Variants in RET observed in about 807,000 individuals in gnomAD.
RET encodes ret proto-oncogene.
RET carries 19 observed loss-of-function variants against 118.3 expected under a neutral mutation model. That is an observed-to-expected ratio of 0.16 (90% CI 0.11 to 0.24). The LOEUF (loss-of-function observed/expected upper bound fraction) is 0.24. Ranked by LOEUF, RET falls within the 10% of genes least tolerant of loss-of-function variation. RET has a pLI of 1.00. For missense variants in RET, 1,219 were observed against 1,502.1 expected, an observed-to-expected ratio of 0.81 and a Z score of 3.12; for synonymous variants, 597 against 644.1, an observed-to-expected ratio of 0.93 and a Z score of 1.11.
At chr10:43,092,703 C>G (rs1837435909) in intron 1 of RET, among the ~76,000 whole-genome samples, 1 of 152,200 alleles carries the variant, frequency 6.6e-6, no homozygotes, top group East Asian at 1.9e-4. Context: ...AGCTCCGGTG[C>G]CCAGGGCTCC....
chr10:43,115,236 G>C (rs1838045030), intron 11 of RET, among the ~76,000 whole-genome samples: 1 of 152,230 alleles, frequency 6.6e-6, no homozygotes, highest in African/African-American at 2.4e-5. Context: ...CCAAGGGTGT[G>C]AGTGAACGGT....
At position 43,118,583 on chromosome 10, in the gene RET, C is replaced by T. The variant is rs905442496; in HGVS notation, c.2392+103C>T. 2.0e-5 allele frequency: 17 copies of T among 870,216 alleles called. No homozygotes were observed. The East Asian group carries it at 3.9e-4, about 20-fold the overall frequency. 53.9% of individuals were successfully genotyped at this position (870,216 alleles called of 1,614,324 possible). On this transcript the variant is annotated intron_variant, in intron 13 of 19. Transcript: ENST00000355710. Reference sequence around the variant, plus strand: ...TCTCCCTTTCCCTACTGCTCCTGCCCTGTTTCCTGTTCTCCCTCTTTCTGG... The same window carrying T: ...TCTCCCTTTCCCTACTGCTCCTGCCTTGTTTCCTGTTCTCCCTCTTTCTGG...
chr10:43,081,469 C>T (rs1034716925), intron 1 of RET, among the ~76,000 whole-genome samples: 11 of 152,140 alleles, frequency 7.2e-5, no homozygotes, highest in African/African-American at 1.9e-4. Flanking sequence ...TAGGGACTTC[C>T]GCATGCGTGT....
chr10:43,115,002 G>A (rs1308556022), intron 11 of RET, among the ~76,000 whole-genome samples: 1 of 151,512 alleles, frequency 6.6e-6, no homozygotes, highest in Non-Finnish European at 1.5e-5. Flanking sequence ...TGGATGGAGG[G>A]GCACTGAAGT....
chr10:43,108,604 G>T (rs542967345), intron 5 of RET, among the ~76,000 whole-genome samples: 55 of 152,184 alleles, frequency 3.6e-4, no homozygotes, highest in African/African-American at 1.3e-3. Flanking sequence ...CTATTCAGTT[G>T]GTCCGGGGAC....
At chr10:43,123,546 G>A (rs1838263582) in intron 16 of RET, 125 bp from the exon 17 acceptor site, 1 of 1,271,010 alleles carries the variant, frequency 7.9e-7, no homozygotes. Context: ...TGACATCTGT[G>A]AGCATCTGTG....
intron 5 of RET, 120 bp from the exon 6 acceptor site, chr10:43,108,911 A>C: frequency 1.1e-6 from 1 of 937,332 alleles, no homozygotes; most frequent in Non-Finnish European, 1.7e-6. Context: ...ATGGCACTGT[A>C]TGTGTGAAAG....
chr10:43,097,057 G>A (rs1339974659), intron 1 of RET, among the ~76,000 whole-genome samples: 1 of 152,232 alleles, frequency 6.6e-6, no homozygotes, highest in African/African-American at 2.4e-5. Context: ...TGGCAGCAGG[G>A]AGACCAATTG....
At position 43,111,306 on chromosome 10, in the gene RET, G is replaced by T; in HGVS notation, c.1363G>T (p.Val455Phe). The change falls in exon 7 of 20, where the codon GTC (valine) becomes TTC (phenylalanine). Residue 455 changes from valine to phenylalanine, a missense_variant. This residue lies in a region of RET where 850 missense variants were observed against 969.6 expected (regional missense o/e 0.88). Transcript: ENST00000355710. ...TGCCAACTGCAGCACGCTAGGGGTGGTCACCTCAGCCGAGGACACCTCGGG... is the reference window on the plus strand; with the variant it reads ...TGCCAACTGCAGCACGCTAGGGGTGTTCACCTCAGCCGAGGACACCTCGGG... ...SGANCSTLGV[V>F]TSAEDTSGIL... 2 of 1,614,128 alleles carry T rather than the reference G, an allele frequency of 1.2e-6. No individual in the cohort carries two copies. The highest frequency in any genetic ancestry group is 1.7e-6 in the Non-Finnish European group (2 of 1,180,032).
chr10:43,094,540 G>A (rs1268399048), intron 1 of RET, among the ~76,000 whole-genome samples: 1 of 152,188 alleles, frequency 6.6e-6, no homozygotes, highest in African/African-American at 2.4e-5. Flanking sequence ...CTCCATTTGT[G>A]TTTCTGTGGC....
rs959412646 is a variant in RET, at chr10:43,094,719, G to A, written c.74-5740G>A. ...AGGCCACGCTTAGTATGTGTGCACC[G>A]AGGGTGCAGGAAAATGTGTGTGCTT... On this transcript the variant is annotated intron_variant, in intron 1 of 19. Transcript: ENST00000355710. 5.3e-5 allele frequency among the ~76,000 whole-genome samples: 8 copies of A among 152,234 alleles called. No homozygotes were observed. In the East Asian group the frequency reaches 1.3e-3, roughly 26 times the overall value.
Position 43,114,469 on chromosome 10 carries a change from C to A in RET, c.1880-11C>A, listed in dbSNP as rs200202641. 1 of 1,605,514 alleles carries A rather than the reference C, an allele frequency of 6.2e-7. No individual in the cohort carries two copies. Among genetic ancestry groups the A allele is most frequent in the East Asian group, 2.2e-5 (1 of 44,864 alleles). On this transcript the variant is annotated splice_polypyrimidine_tract_variant and intron_variant, in intron 10 of 19. Coordinates refer to ENST00000355710, the MANE Select transcript of RET (RefSeq NM_020975.6). This position sits in a 1 kb window ranked among gnomAD's most constrained non-coding sequence, Gnocchi z 4.6. ...TGGCGGTGCCAAGCCTCACACCACC[C>A]CCACCCACAGATCCACTGTGCGACG...
At chr10:43,084,386 A>G (rs936168112) in intron 1 of RET, among the ~76,000 whole-genome samples, 3 of 152,172 alleles carry the variant, frequency 2.0e-5, no homozygotes, top group African/African-American at 7.2e-5. Context: ...TCTCTGGTTC[A>G]TGTCTCACTC....
rs190116296 is a variant in RET, at chr10:43,129,113, T to C, written c.*844T>C. The C allele has an allele frequency of 4.3e-6, 1 of 233,506 alleles. No individual in the cohort carries two copies. The highest frequency in any genetic ancestry group is 8.5e-6 in the Non-Finnish European group (1 of 118,148). The allele number at this position is 233,506 out of a possible 1,614,324, so 14.5% of individuals were successfully genotyped here. ...AAAGGGGGCTGTTGGAGTCCCAGAA[T>C]TGCTGACAGCAGAGGCTTTGCTGCT... On this transcript the variant is annotated 3_prime_UTR_variant, in exon 20 of 20. Transcript: ENST00000355710.
chr10:43,095,668 G>A (rs1837508322), intron 1 of RET, among the ~76,000 whole-genome samples: 1 of 152,240 alleles, frequency 6.6e-6, no homozygotes. Context: ...GCTGGGCAGG[G>A]TGGGAGCAGA....
chr10:43,087,555 G>A (rs1161105120), intron 1 of RET, among the ~76,000 whole-genome samples: 1 of 152,234 alleles, frequency 6.6e-6, no homozygotes, highest in African/African-American at 2.4e-5. Context: ...CAGGCTGTCA[G>A]ATTTTTCTCA....
rs995889582 is a variant in RET, at chr10:43,128,787, G to A, written c.*518G>A. The stretch of plus-strand genomic sequence containing the variant: ...GGGGGGGCCTGGGGGTAGTGTCAAT[G>A]CCCCTCCAGGGCTGGAGGGGAAGAG... On this transcript the variant is annotated 3_prime_UTR_variant, in exon 20 of 20. Transcript: ENST00000355710. 3.7e-6 allele frequency: 1 copy of A among 270,160 alleles called. No individual in the cohort carries two copies. The highest frequency in any genetic ancestry group is 7.1e-6 in the Non-Finnish European group (1 of 140,198). The allele number at this position is 270,160 out of a possible 1,614,324, so 16.7% of individuals were successfully genotyped here.
chr10:43,108,414 A>C (rs1417300351), intron 5 of RET, among the ~76,000 whole-genome samples: 1 of 152,178 alleles, frequency 6.6e-6, no homozygotes, highest in African/African-American at 2.4e-5. Context: ...TTGGTATCTT[A>C]CTGCCACAAA....
At chr10:43,097,167 G>C (rs11239883) in intron 1 of RET, among the ~76,000 whole-genome samples, 56,270 of 152,022 alleles carry the variant, frequency 0.37, 11,484 homozygotes, top group African/African-American at 0.55. Context: ...TGGGGGCTTT[G>C]GGAAGCCCAG....
Sources: allele counts gnomAD v4.1 joint callset (sites outside exome capture counted in the v4.1 genomes callset), GRCh38; gene constraint gnomAD v4.1.1; regional missense constraint gnomAD v4.1.1; non-coding constraint Gnocchi (gnomAD v3.1); transcripts MANE v1.5; gene names NCBI Gene and HGNC (gene_info 2026-07-23, HGNC 2026-07-21).